GCSH: variants seen among roughly 807,000 people sequenced by gnomAD.
GCSH encodes the protein glycine cleavage system H protein, mitochondrial.
Under a neutral mutation model 21.3 loss-of-function variants are expected in GCSH, and 15 were observed. The ratio of observed to expected loss-of-function variants is 0.70; its 90% CI spans 0.47 to 1.08. The LOEUF (loss-of-function observed/expected upper bound fraction) is 1.08. Among genes scored for constraint, GCSH ranks in the 50% least tolerant of loss-of-function variants. The pLI is 0.00. For missense variants in GCSH, 179 were observed against 217.5 expected (o/e 0.82, Z 1.11); for synonymous variants, 59 against 84.5 (o/e 0.70, Z 1.66).
chr16:81,094,373 G>A (rs1336010543), intron 1 of GCSH, among the ~76,000 whole-genome samples: 4 of 150,920 alleles, frequency 2.7e-5, no homozygotes, highest in East Asian at 3.9e-4. Flanking sequence ...TGAGATGGAG[G>A]TGTGCTCTTG....
At position 81,081,995 on chromosome 16, in the gene GCSH, A is replaced by G. The variant is rs1457372823; in HGVS notation, c.*871T>C. ...TGTCCACTTTTATTCCCATGACTTAAGTGGAAACCTGAACGTGGTTTAACA... is the reference window on the plus strand; with the variant it reads ...TGTCCACTTTTATTCCCATGACTTAGGTGGAAACCTGAACGTGGTTTAACA... On this transcript the variant is annotated 3_prime_UTR_variant, in exon 5 of 5. Coordinates refer to ENST00000315467, the MANE Select transcript of GCSH (RefSeq NM_004483.5). 1 of 453,072 alleles carries G rather than the reference A, an allele frequency of 2.2e-6. No individual in the cohort carries two copies. Among genetic ancestry groups the G allele is most frequent in the South Asian group, 1.6e-5 (1 of 64,334 alleles). The allele number at this position is 453,072 out of a possible 1,614,324, so 28.1% of individuals were successfully genotyped here. A position where few individuals can be genotyped will look rare whatever the true frequency, so the allele number is the denominator to read the frequency against.
intron 1 of GCSH, among the ~76,000 whole-genome samples, chr16:81,092,297 C>CA (rs1164275839): frequency 7.0e-6 from 1 of 143,812 alleles, no homozygotes; most frequent in Non-Finnish European, 1.5e-5. Flanking sequence ...GATCATCTGT[C>CA]AGTCTCCCCA....
chr16:81,095,882 G>A (rs1972495594), intron 1 of GCSH, among the ~76,000 whole-genome samples: 1 of 152,036 alleles, frequency 6.6e-6, no homozygotes, highest in East Asian at 1.9e-4. Flanking sequence ...TCGGTGTCCC[G>A]CAGGCCTCCC....
intron 1 of GCSH, among the ~76,000 whole-genome samples, chr16:81,093,528 AACATT>A (rs2047911245): frequency 6.6e-6 from 1 of 152,092 alleles, no homozygotes; most frequent in African/African-American, 2.4e-5. Flanking sequence ...GGGAGACGGC[AACATT>A]ACAGGTAATG....
intron 2 of GCSH, among the ~76,000 whole-genome samples, chr16:81,089,679 C>T (rs953401958): frequency 6.6e-6 from 1 of 152,158 alleles, no homozygotes; most frequent in Non-Finnish European, 1.5e-5. Flanking sequence ...ATCCCCCCTT[C>T]CCCGCCTCAC....
At chr16:81,090,905 G>A in intron 1 of GCSH, 1 of 601,462 alleles carries the variant, frequency 1.7e-6, no homozygotes, top group African/African-American at 1.8e-5. Flanking sequence ...AACACCTTGT[G>A]CATCTTTTGG....
At chr16:81,088,623 A>T (rs1031991021) in intron 2 of GCSH, among the ~76,000 whole-genome samples, 1 of 152,150 alleles carries the variant, frequency 6.6e-6, no homozygotes, top group South Asian at 2.1e-4. Flanking sequence ...CTGGTCTTGA[A>T]CTTTTGACCT....
chr16:81,084,194 G>T (rs1005658753), intron 4 of GCSH: 2 of 566,928 alleles, frequency 3.5e-6, no homozygotes, highest in African/African-American at 1.9e-5. Context: ...GCCCAGGCTG[G>T]TCTCCAACTC....
intron 1 of GCSH, among the ~76,000 whole-genome samples, chr16:81,091,528 A>T (rs1039078612): frequency 6.6e-6 from 1 of 152,240 alleles, no homozygotes; most frequent in African/African-American, 2.4e-5. Context: ...AGTTAAAAGT[A>T]CTTGCCTTAG....
chr16:81,095,629 T>TCCTCGGCATCCCAAAGTGCTGGGATTA (rs61361276), intron 1 of GCSH, among the ~76,000 whole-genome samples: 1 of 150,354 alleles, frequency 6.7e-6, no homozygotes, highest in Non-Finnish European at 1.5e-5. Flanking sequence ...TGATCCGCCC[T>TCCTCGGCATCCCAAAGTGCTGGGATTA]CCGGCATGAG....
In GCSH at chr16:81,096,387, G is replaced by A. The variant is rs1364788211; in HGVS notation, c.-109C>T. 2 of 911,108 alleles carry A rather than the reference G, an allele frequency of 2.2e-6. No homozygotes were observed. Among genetic ancestry groups the A allele is most frequent in the Non-Finnish European group, 3.0e-6 (2 of 676,532 alleles). The allele number at this position is 911,108 out of a possible 1,614,324, so 56.4% of individuals were successfully genotyped here. ...GAGGGAGCCGGCTGGATGGAGGCGC[G>A]GAGGCGGTGCCGCGGGGGCGGGACA... On this transcript the variant is annotated 5_prime_UTR_variant, in exon 1 of 5. Transcript: ENST00000315467.
Position 81,096,237 on chromosome 16 carries a change from G to C in GCSH, c.42C>G (p.Cys14Trp). The C allele has an allele frequency of 1.5e-6, 2 of 1,353,864 alleles. No individual in the cohort carries two copies. The highest frequency in any genetic ancestry group is 1.9e-6 in the Non-Finnish European group (2 of 1,059,652). The allele number at this position is 1,353,864 out of a possible 1,614,324, so 83.9% of individuals were successfully genotyped here. ...RVVRSVRALL[C>W]TLRAVPSPAA... ...CGGGTGACGGGACCGCGCGCAGGGT[G>C]CAGAGCAGGGCCCGCACGCTCCGCA... The change falls in exon 1 of 5, where the codon TGC becomes TGG. Residue 14 changes from cysteine to tryptophan, a missense_variant. Coordinates refer to ENST00000315467, the MANE Select transcript of GCSH (RefSeq NM_004483.5).
intron 1 of GCSH, among the ~76,000 whole-genome samples, chr16:81,093,826 T>C (rs966274692): frequency 2.0e-5 from 3 of 152,150 alleles, no homozygotes; most frequent in Non-Finnish European, 4.4e-5. Flanking sequence ...GCATGCTGTT[T>C]AGGCTAAAGG....
intron 1 of GCSH, among the ~76,000 whole-genome samples, chr16:81,094,758 C>G (rs1306078096): frequency 6.6e-6 from 1 of 150,926 alleles, no homozygotes; most frequent in Admixed American, 6.6e-5. Context: ...CTGATCTACG[C>G]AATCGAAGCA....
chr16:81,086,862 G>A (rs957359522), intron 3 of GCSH, among the ~76,000 whole-genome samples: 1 of 135,800 alleles, frequency 7.4e-6, no homozygotes, highest in Non-Finnish European at 1.6e-5. Flanking sequence ...GTGTAGAAAC[G>A]AGAGAAGAGG....
Position 81,082,934 on chromosome 16 carries a change from G to A in GCSH, c.454C>T (p.Pro152Ser), listed in dbSNP as rs1972199260. ...CTCATAAGTTCATCTAGTTCTGAAG[G>A]GTTACTCAGTGTCATCTTGATCAGC... The part of the protein sequence containing the change: ...GWLIKMTLSN[P>S]SELDELMSEE... Residue 152 changes from proline (P) to serine (S), a missense_variant, in exon 5 of 5, where the codon CCT becomes TCT. Transcript: ENST00000315467. 6.4e-7 allele frequency: 1 copy of A among 1,569,530 alleles called. No homozygotes were observed. Among genetic ancestry groups the A allele is most frequent in the Non-Finnish European group, 8.8e-7 (1 of 1,139,886 alleles).
chr16:81,088,720 G>C (rs1972333714), intron 2 of GCSH, among the ~76,000 whole-genome samples: 1 of 152,028 alleles, frequency 6.6e-6, no homozygotes, highest in Non-Finnish European at 1.5e-5. Context: ...AGCTCTTCTG[G>C]GCATGAACAT....
At chr16:81,095,843 C>A (rs1263365107) in intron 1 of GCSH, among the ~76,000 whole-genome samples, 2 of 152,098 alleles carry the variant, frequency 1.3e-5, no homozygotes, top group East Asian at 1.9e-4. Context: ...GGCCGACCTG[C>A]CCGCCGGACC....
chr16:81,089,736 G>T (rs1972360722), intron 2 of GCSH, among the ~76,000 whole-genome samples: 1 of 152,124 alleles, frequency 6.6e-6, no homozygotes, highest in Non-Finnish European at 1.5e-5. Context: ...CTAGGATTTG[G>T]CTTCTCATTT....
Sources: gnomAD v4.1 joint callset for allele counts (sites outside exome capture counted in the v4.1 genomes callset) on GRCh38, gnomAD v4.1.1 for gene constraint, MANE v1.5 for transcripts, NCBI Gene and HGNC (gene_info 2026-07-23, HGNC 2026-07-21) for gene names.